CASZ1: variants seen among roughly 807,000 people sequenced by gnomAD.
CASZ1 encodes the protein zinc finger protein castor homolog 1.
A neutral mutation model predicts 135.2 loss-of-function variants in CASZ1; 28 were observed. The ratio of observed to expected loss-of-function variants is 0.21; its 90% confidence interval spans 0.15 to 0.28. The LOEUF (loss-of-function observed/expected upper bound fraction) is 0.28. Among genes scored for constraint, CASZ1 ranks in the 10% least tolerant of loss-of-function variants. The pLI, the probability that CASZ1 is intolerant of heterozygous loss-of-function variation, is 1.00. For synonymous variants in CASZ1, 1,068 were observed against 1,073.4 expected, an observed-to-expected ratio of 0.99 and a Z score of 0.10; for missense variants, 2,161 against 2,453.3, an observed-to-expected ratio of 0.88 and a Z score of 2.52.
At position 10,637,092 on chromosome 1, in the gene CASZ1, C is replaced by T. The variant is rs1205335809; in HGVS notation, c.*1850G>A. On this transcript the variant is annotated 3_prime_UTR_variant, in exon 21 of 21. Coordinates refer to ENST00000377022, the MANE Select transcript of CASZ1 (RefSeq NM_001079843.3). ...ATGAAGTTTACAAAAGGCTAGACTC[C>T]GCACTGTCGGCATCTTCTTCTTTTC... is the stretch of plus-strand genomic sequence containing the variant. The T allele has an allele frequency of 8.5e-5, 13 of 152,406 alleles. No homozygotes were observed. Among genetic ancestry groups the T allele is most frequent in the Middle Eastern group, 3.4e-3 (1 of 294 alleles). The allele number at this position is 152,406 out of a possible 1,614,324, so 9.4% of individuals were successfully genotyped here.
chr1:10,660,745 A>C, intron 5 of CASZ1: 1 of 562,846 alleles, frequency 1.8e-6, no homozygotes, highest in South Asian at 2.4e-5. Flanking sequence ...ACTGGGGTAA[A>C]ATAAAACGAG....
chr1:10,765,155 C>T (rs1201370136), intron 1 of CASZ1, among the ~76,000 whole-genome samples: 1 of 152,136 alleles, frequency 6.6e-6, no homozygotes, highest in Non-Finnish European at 1.5e-5. Context: ...GCCAGAGAAC[C>T]CCTTGATTTT....
chr1:10,769,752 A>G (rs1289229621), intron 1 of CASZ1, among the ~76,000 whole-genome samples: 1 of 152,190 alleles, frequency 6.6e-6, no homozygotes, highest in Non-Finnish European at 1.5e-5. Context: ...CCTGACCTCA[A>G]GTGATCTGCC....
rs906148393 is a variant in CASZ1, at chr1:10,699,992, CAG to C, written c.-24+5498_-24+5499del. 1.2e-4 allele frequency among the ~76,000 whole-genome samples: 18 copies of C among 145,808 alleles called. No individual in the cohort carries two copies. Among genetic ancestry groups the C allele is most frequent in the Non-Finnish European group, 2.1e-4 (14 of 66,194 alleles). ...ACAGAGAGAGAGAAAGAGAGACAGG[CAG>C]AGAGAGAGAGAGAAACAGAGACAGA... On this transcript the variant is annotated intron_variant, in intron 3 of 20. Transcript: ENST00000377022. This position sits in a 1 kb window ranked among gnomAD's most constrained non-coding sequence, Gnocchi z 4.6.
rs1641032180 is a variant in CASZ1 at position 10,794,783 on chromosome 1, C to CTT, written c.-234+1780_-234+1781insAA. Among the ~76,000 whole-genome samples the CTT allele has an allele frequency of 6.6e-6, 1 of 152,170 alleles. No homozygotes were observed. The highest frequency in any genetic ancestry group is 2.4e-5 in the African/African-American group (1 of 41,460). ...TAATCTACGCCCCCAAAGTGTCCCT[C>CTT]CAGCCGTGATTGACGGCGCATACAC... On this transcript the variant is annotated intron_variant, in intron 1 of 20. Transcript: ENST00000377022. This position sits in a 1 kb window ranked among gnomAD's most constrained non-coding sequence, Gnocchi z 5.6.
At position 10,794,085 on chromosome 1, in the gene CASZ1, C is replaced by G. The variant is rs1212191623; in HGVS notation, c.-234+2479G>C. Among the ~76,000 whole-genome samples, 1 of 152,138 alleles carries G rather than the reference C, an allele frequency of 6.6e-6. No individual in the cohort carries two copies. Among genetic ancestry groups the G allele is most frequent in the African/African-American group, 2.4e-5 (1 of 41,444 alleles). On this transcript the variant is annotated intron_variant, in intron 1 of 20. Coordinates refer to ENST00000377022, the MANE Select transcript of CASZ1 (RefSeq NM_001079843.3). This position sits in a 1 kb window ranked among gnomAD's most constrained non-coding sequence, Gnocchi z 5.6. ...GAACAACTACCCCCCTCCCCATGCC[C>G]GGCGCAGCTGCTCCTGCTCAGCCGG...
intron 9 of CASZ1, 116 bp downstream of exon 9, chr1:10,655,533 G>A: frequency 1.0e-6 from 1 of 985,192 alleles, no homozygotes; most frequent in Non-Finnish European, 1.5e-6. Flanking sequence ...AGAGGCTCCT[G>A]ATCAACTGGG....
Position 10,759,369 on chromosome 1 carries a change from G to T in CASZ1, c.-77+1332C>A, listed in dbSNP as rs1640320000. 6.6e-6 allele frequency among the ~76,000 whole-genome samples: 1 copy of T among 152,278 alleles called. No homozygotes were observed. The highest frequency in any genetic ancestry group is 6.5e-5 in the Admixed American group (1 of 15,304). On this transcript the variant is annotated intron_variant, in intron 2 of 20. Transcript: ENST00000377022. The surrounding 1 kb of genome is among the most constrained non-coding windows in gnomAD (Gnocchi z 4.2). The stretch of plus-strand genomic sequence containing the variant: ...AAACTCCCCCCACGGCCTTTTCCAG[G>T]TGACAGTCTAAACAGCCCCGGTGCT...
In CASZ1 at chr1:10,647,755, G is replaced by T; in HGVS notation, c.3497+46C>A. ...AGCGCCCTTGCTAGCACCTACTCCC[G>T]AGACGCGAGGGGAACGCGGGACTCC... On this transcript the variant is annotated intron_variant, in intron 16 of 20. Coordinates refer to ENST00000377022, the MANE Select transcript of CASZ1 (RefSeq NM_001079843.3). The surrounding 1 kb of genome is among the most constrained non-coding windows in gnomAD (Gnocchi z 4.9). 1 of 1,609,584 alleles carries T rather than the reference G, an allele frequency of 6.2e-7. No homozygotes were observed.
At chr1:10,695,330 A>T (rs979003727) in intron 3 of CASZ1, among the ~76,000 whole-genome samples, 1 of 152,026 alleles carries the variant, frequency 6.6e-6, no homozygotes, top group Admixed American at 6.5e-5. Context: ...GTCCTCCCAG[A>T]GCCTCCCCGG....
At position 10,646,230 on chromosome 1, in the gene CASZ1, C is replaced by T. The variant is rs762444939; in HGVS notation, c.3594G>A (p.Lys1198=). Residue 1198 remains lysine, a synonymous_variant, in exon 17 of 21, where the codon AAG becomes AAA. Transcript: ENST00000377022. This position sits in a 1 kb window ranked among gnomAD's most constrained non-coding sequence, Gnocchi z 6.4. ...NCKYVCKTSG[K]AESHCLDHIN... Reference sequence around the variant, plus strand: ...TGTGGTCCAGGCAGTGGGATTCGGCCTTGCCAGACGTTTTGCAGACGTACT... The same window carrying T: ...TGTGGTCCAGGCAGTGGGATTCGGCTTTGCCAGACGTTTTGCAGACGTACT... 6 of 1,614,182 alleles carry T rather than the reference C, an allele frequency of 3.7e-6. No homozygotes were observed. The South Asian group carries it at 6.6e-5, about 18-fold the overall frequency.
In CASZ1 at chr1:10,794,948, C is replaced by A. The variant is rs1641036329; in HGVS notation, c.-234+1616G>T. 6.6e-6 allele frequency among the ~76,000 whole-genome samples: 1 copy of A among 151,310 alleles called. No individual in the cohort carries two copies. Among genetic ancestry groups the A allele is most frequent in the Admixed American group, 6.6e-5 (1 of 15,204 alleles). ...CCAGCGCGCCTCTGCCCGCACCTCG[C>A]CACCCCGGCGGCCGCCCCCTCCCCT... On this transcript the variant is annotated intron_variant, in intron 1 of 20. Coordinates refer to ENST00000377022, the MANE Select transcript of CASZ1 (RefSeq NM_001079843.3). The surrounding 1 kb of genome is among the most constrained non-coding windows in gnomAD (Gnocchi z 5.6).
rs1440114220 is a variant in CASZ1, at chr1:10,648,077, G to A, written c.3221C>T (p.Ser1074Leu). Residue 1074 changes from serine to leucine, a missense_variant, in exon 16 of 21, where the codon TCG becomes TTG. Coordinates refer to ENST00000377022, the MANE Select transcript of CASZ1 (RefSeq NM_001079843.3). ...KGNTEAAFPA[S>L]AAETKPPMAP... The stretch of plus-strand genomic sequence containing the variant: ...CATGGGAGGTTTGGTCTCGGCGGCC[G>A]AGGCCGGAAAGGCAGCCTCTGTGTT... 13 of 1,584,444 alleles carry A rather than the reference G, an allele frequency of 8.2e-6. No individual in the cohort carries two copies. The highest frequency in any genetic ancestry group is 1.7e-4 in the Middle Eastern group (1 of 5,992).
intron 4 of CASZ1, among the ~76,000 whole-genome samples, chr1:10,673,609 C>T (rs984343086): frequency 6.6e-6 from 1 of 152,176 alleles, no homozygotes; most frequent in Non-Finnish European, 1.5e-5. Context: ...CTTTCATTAC[C>T]CATGCACGCA....
chr1:10,667,294 C>T (rs1643266364), intron 4 of CASZ1, among the ~76,000 whole-genome samples: 2 of 152,208 alleles, frequency 1.3e-5, no homozygotes, highest in Admixed American at 6.5e-5. Context: ...TTGGCCCAGA[C>T]GAGACAGGGT....
intron 13 of CASZ1, 186 bp from the exon 14 acceptor site, chr1:10,649,623 G>A (rs1642493904): frequency 6.1e-6 from 4 of 657,184 alleles, no homozygotes; most frequent in Admixed American, 3.0e-5. Context: ...AGCCTGCTGT[G>A]CTGCCCCGAC....
In CASZ1 at chr1:10,659,791, A is replaced by G; in HGVS notation, c.1251T>C (p.Pro417=). The G allele has an allele frequency of 6.2e-7, 1 of 1,613,816 alleles. No homozygotes were observed. The highest frequency in any genetic ancestry group is 8.5e-7 in the Non-Finnish European group (1 of 1,179,860). ...CGGGAGTGTTGAAGGACAGGGAGGC[A>G]GGAGGCTCTGGCCCTGGCCCGGGGG... is the stretch of plus-strand genomic sequence containing the variant. The part of the protein sequence containing the change: ...PSAPGPGPEP[P]ASLSFNTPEY... The change falls in exon 6 of 21, where the codon CCT becomes CCC. Residue 417 remains proline, a synonymous_variant. Transcript: ENST00000377022.
intron 13 of CASZ1, 42 bp downstream of exon 13, chr1:10,650,650 T>C: frequency 1.3e-6 from 2 of 1,534,518 alleles, no homozygotes; most frequent in Non-Finnish European, 1.8e-6. Context: ...CTTTAATTTC[T>C]CTGGGTGGGG....
Position 10,794,510 on chromosome 1 carries a change from G to A in CASZ1, c.-234+2054C>T, listed in dbSNP as rs1349273520. On this transcript the variant is annotated intron_variant, in intron 1 of 20. Transcript: ENST00000377022. This position sits in a 1 kb window ranked among gnomAD's most constrained non-coding sequence, Gnocchi z 5.6. ...CTCCATACTCAGGAGAGGCGCTACT[G>A]CCGCTTTTCCGGTGGGCACGCACCC... is the stretch of plus-strand genomic sequence containing the variant. Among the ~76,000 whole-genome samples, 1 of 152,080 alleles carries A rather than the reference G, an allele frequency of 6.6e-6. No homozygotes were observed. Among genetic ancestry groups the A allele is most frequent in the Non-Finnish European group, 1.5e-5 (1 of 68,012 alleles).
Sources: gnomAD v4.1 joint callset for allele counts (sites outside exome capture counted in the v4.1 genomes callset) on GRCh38, gnomAD v4.1.1 for gene constraint, Gnocchi (gnomAD v3.1) non-coding constraint, MANE v1.5 for transcripts, NCBI Gene and HGNC (gene_info 2026-07-23, HGNC 2026-07-21) for gene names.